ZAP70: variants seen among roughly 807,000 people sequenced by gnomAD.
ZAP70 encodes tyrosine-protein kinase ZAP-70.
ZAP70 carries 27 observed loss-of-function variants against 65.8 expected under a neutral mutation model. The ratio of observed to expected loss-of-function variants is 0.41; its 90% CI spans 0.30 to 0.57. The LOEUF is 0.57. Ranked by LOEUF, ZAP70 falls within the 20% of genes least tolerant of loss-of-function variation. The pLI is 0.28. For synonymous variants in ZAP70, 363 were observed against 360.8 expected, an observed-to-expected ratio of 1.01 and a Z score of -0.07; for missense variants, 696 against 870.5, an observed-to-expected ratio of 0.80 and a Z score of 2.52.
chr2:97,730,958 G>A (rs936052363), intron 4 of ZAP70, among the ~76,000 whole-genome samples: 2 of 151,816 alleles, frequency 1.3e-5, no homozygotes, highest in African/African-American at 4.8e-5. Context: ...GGGAGGCTGA[G>A]GCAGGAGAAT....
intron 2 of ZAP70, among the ~76,000 whole-genome samples, chr2:97,719,556 G>A (rs190823712): frequency 4.0e-5 from 6 of 151,248 alleles, no homozygotes; most frequent in Non-Finnish European, 5.9e-5. Flanking sequence ...AACAGCCTGG[G>A]GGGGGGGCGC....
chr2:97,747,019 T>C, the ZAP70 span, among the ~76,000 whole-genome samples: 4 of 151,858 alleles, frequency 2.6e-5, no homozygotes, highest in African/African-American at 9.7e-5. Context: ...AGATAGCACT[T>C]CCAAAAGAAA....
the ZAP70 span, among the ~76,000 whole-genome samples, chr2:97,755,830 A>G: frequency 6.6e-6 from 1 of 152,188 alleles, no homozygotes; most frequent in Non-Finnish European, 1.5e-5. Flanking sequence ...GGCCAGTGTT[A>G]GAACATGCAG....
rs1380304125 is a variant in ZAP70 at position 97,736,993 on chromosome 2, G to T, written c.1290-480G>T. Among the ~76,000 whole-genome samples the T allele has an allele frequency of 6.6e-6, 1 of 152,164 alleles. No homozygotes were observed. The highest frequency in any genetic ancestry group is 1.5e-5 in the Non-Finnish European group (1 of 68,038). On this transcript the variant is annotated intron_variant, in intron 10 of 13. Coordinates refer to ENST00000264972, the MANE Select transcript of ZAP70 (RefSeq NM_001079.4). This position sits in a 1 kb window ranked among gnomAD's most constrained non-coding sequence, Gnocchi z 4.0. ...CCTGGGGGTCCAGGTGAGTGATGCT[G>T]CGGCTGCTTCCCGGTGGCAGAGGCA... is the stretch of plus-strand genomic sequence containing the variant.
At position 97,717,709 on chromosome 2, in the gene ZAP70, T is replaced by C. The variant is rs1258188757; in HGVS notation, c.-22+3715T>C. Among the ~76,000 whole-genome samples the C allele has an allele frequency of 3.9e-5, 6 of 152,284 alleles. 1 individual carries two copies. The highest frequency in any genetic ancestry group is 1.4e-4 in the African/African-American group (6 of 41,480). ...CTGAAAGAGGTCCTTCCATGTGGTCTTCTCGGAGCCTTTAATGTGCTTTTC... is the reference window on the plus strand; with the variant it reads ...CTGAAAGAGGTCCTTCCATGTGGTCCTCTCGGAGCCTTTAATGTGCTTTTC... On this transcript the variant is annotated intron_variant, in intron 2 of 13. Coordinates refer to ENST00000264972, the MANE Select transcript of ZAP70 (RefSeq NM_001079.4).
chr2:97,749,844 GGGC>G, the ZAP70 span, among the ~76,000 whole-genome samples: 1 of 152,196 alleles, frequency 6.6e-6, no homozygotes, highest in African/African-American at 2.4e-5. Context: ...GGAGGGATGA[GGGC>G]GTGGGAGGAG....
intron 4 of ZAP70, 194 bp from the exon 5 acceptor site, chr2:97,732,689 C>T (rs1677658009): frequency 2.7e-6 from 2 of 744,216 alleles, no homozygotes; most frequent in East Asian, 2.7e-5. Context: ...GGCCCCTCCA[C>T]CGCCCTCTGC....
intron 4 of ZAP70, among the ~76,000 whole-genome samples, chr2:97,728,863 T>C (rs900274290): frequency 2.6e-5 from 4 of 152,238 alleles, no homozygotes; most frequent in Non-Finnish European, 4.4e-5. Flanking sequence ...GTGATTCTTC[T>C]GCCTCAGCCT....
the ZAP70 span, among the ~76,000 whole-genome samples, chr2:97,752,433 A>C: frequency 6.6e-6 from 1 of 152,338 alleles, no homozygotes; most frequent in South Asian, 2.1e-4. Flanking sequence ...GGCCCTCCTA[A>C]GATGTAAAAG....
chr2:97,743,040 G>A (rs950452137), downstream of ZAP70, among the ~76,000 whole-genome samples: 1 of 152,214 alleles, frequency 6.6e-6, no homozygotes, highest in African/African-American at 2.4e-5. Flanking sequence ...TTCTCATCTA[G>A]GAAGGGGCTG....
chr2:97,727,919 C>T (rs1038532588), intron 4 of ZAP70, among the ~76,000 whole-genome samples: 1 of 152,136 alleles, frequency 6.6e-6, no homozygotes, highest in Non-Finnish European at 1.5e-5. Context: ...CCCCAGATTC[C>T]CTAAAGCCTC....
intron 2 of ZAP70, among the ~76,000 whole-genome samples, chr2:97,717,923 C>T (rs980452523): frequency 3.3e-5 from 5 of 152,164 alleles, no homozygotes; most frequent in Admixed American, 2.0e-4. Context: ...CTCCCAGGGC[C>T]TGGGCTGTGA....
At position 97,715,177 on chromosome 2, in the gene ZAP70, C is replaced by T. The variant is rs1166483122; in HGVS notation, c.-22+1183C>T. On this transcript the variant is annotated intron_variant, in intron 2 of 13. Coordinates refer to ENST00000264972, the MANE Select transcript of ZAP70 (RefSeq NM_001079.4). The surrounding 1 kb of genome is among the most constrained non-coding windows in gnomAD (Gnocchi z 4.1). ...CAGACCACCCCGTGCTGACCACTCC[C>T]TGCCCCACCCCAAGGTACAGGGTTA... Among the ~76,000 whole-genome samples, 4 of 152,226 alleles carry T rather than the reference C, an allele frequency of 2.6e-5. No individual in the cohort carries two copies. The highest frequency in any genetic ancestry group is 2.1e-4 in the South Asian group (1 of 4,828).
In ZAP70 at chr2:97,729,094, T is replaced by TG. The variant is rs1677504625; in HGVS notation, c.564-3787dup. Reference sequence around the variant, plus strand: ...TCCTCTCCTGGACTGCAGACCTCTTTGGAATCCTACTGACTGCTCCTTTCA... The same window carrying TG: ...TCCTCTCCTGGACTGCAGACCTCTTTGGGAATCCTACTGACTGCTCCTTTCA... On this transcript the variant is annotated intron_variant, in intron 4 of 13. Coordinates refer to ENST00000264972, the MANE Select transcript of ZAP70 (RefSeq NM_001079.4). Among the ~76,000 whole-genome samples, 4 of 152,204 alleles carry TG rather than the reference T, an allele frequency of 2.6e-5. No individual in the cohort carries two copies. In the South Asian group the frequency reaches 8.3e-4, roughly 32 times the overall value.
chr2:97,728,855 G>C (rs765458559), intron 4 of ZAP70, among the ~76,000 whole-genome samples: 3 of 152,228 alleles, frequency 2.0e-5, no homozygotes, highest in Non-Finnish European at 4.4e-5. Context: ...CGGGTTTAGT[G>C]ATTCTTCTGC....
the ZAP70 span, among the ~76,000 whole-genome samples, chr2:97,745,153 C>T: frequency 6.6e-6 from 1 of 152,220 alleles, no homozygotes; most frequent in Admixed American, 6.5e-5. Flanking sequence ...ATCTTCCAGC[C>T]TCAGCCTCCT....
chr2:97,753,225 C>G, the ZAP70 span, among the ~76,000 whole-genome samples: 2 of 152,196 alleles, frequency 1.3e-5, no homozygotes, highest in Non-Finnish European at 2.9e-5. Context: ...AACTCATGGG[C>G]AGCAGGGAAG....
At chr2:97,742,339 T>C (rs1678152320), downstream of ZAP70, among the ~76,000 whole-genome samples, 1 of 152,276 alleles carries the variant, frequency 6.6e-6, no homozygotes, top group Admixed American at 6.5e-5. Context: ...TTAGCATTTC[T>C]CTTGTAAGTG....
In ZAP70 at chr2:97,734,590, C is replaced by A. The variant is rs745670298; in HGVS notation, c.960C>A (p.Ser320Arg). ...MDTSVYESPY[S>R]DPEELKDKKL... is the part of the protein sequence containing the mutation. ...CGAGCGTGTATGAGAGCCCCTACAG[C>A]GACCCAGAGGAGCTCAAGGACAAGA... Residue 320 changes from serine to arginine, a missense_variant, in exon 9 of 14, where the codon AGC becomes AGA. Ser to Arg is a moderately radical substitution (Grantham distance 110). Transcript: ENST00000264972. 1.2e-6 allele frequency: 2 copies of A among 1,614,068 alleles called. No individual in the cohort carries two copies. The highest frequency in any genetic ancestry group is 1.7e-6 in the Non-Finnish European group (2 of 1,180,036).
Sources: gnomAD v4.1 joint callset for allele counts (sites outside exome capture counted in the v4.1 genomes callset) on GRCh38, gnomAD v4.1.1 for gene constraint, Gnocchi (gnomAD v3.1) non-coding constraint, MANE v1.5 for transcripts, NCBI Gene and HGNC (gene_info 2026-07-23, HGNC 2026-07-21) for gene names.